COL6A5: variants seen among roughly 807,000 people sequenced by gnomAD.
The protein encoded by COL6A5 is collagen alpha-5(VI) chain.
COL6A5 carries 48 observed loss-of-function variants against 65.6 expected under a neutral mutation model. That is an observed-to-expected ratio of 0.73 (90% confidence interval 0.58 to 0.93). COL6A5 has a LOEUF of 0.93. COL6A5 is among the 40% of genes least tolerant of loss of function. The pLI, the probability that COL6A5 is intolerant of heterozygous loss-of-function variation, is 0.00. For missense variants in COL6A5, 914 were observed against 928.3 expected, an observed-to-expected ratio of 0.98 and a Z score of 0.20; for synonymous variants, 291 against 322.8, an observed-to-expected ratio of 0.90 and a Z score of 1.05.
At chr3:130,470,743 TTTG>T (rs1215044522) in intron 6 of COL6A5, 125 bp from the exon 39 acceptor site, 5 of 646,310 alleles carry the variant, frequency 7.7e-6, no homozygotes. Context: ...GTGTGCCTAT[TTTG>T]TGAAGTCCGT....
In COL6A5 at chr3:130,379,861, T is replaced by G. The variant is rs192774143; in HGVS notation, c.1111T>G (p.Leu371Val). 2.6e-6 allele frequency: 4 copies of G among 1,551,348 alleles called. No individual in the cohort carries two copies. In the East Asian group the frequency reaches 9.8e-5, roughly 38 times the overall value. Residue 371 changes from leucine (L) to valine (V), a missense_variant and NMD_transcript_variant, in exon 4 of 42, where the codon TTG becomes GTG. Transcript: ENST00000312481. ...ACTGGAGGATGTAAACGTGTTTGCC[T>G]TGAGCATCCAAGGGGCTAACAATAC...
chr3:130,388,158 T>C (rs1263187910), intron 5 of COL6A5, among the ~76,000 whole-genome samples: 3 of 152,098 alleles, frequency 2.0e-5, no homozygotes, highest in African/African-American at 7.2e-5. Context: ...TATTTGAAAT[T>C]GTGTTTCTCC....
chr3:130,349,120 T>C (rs1314166954), intron 1 of COL6A5, among the ~76,000 whole-genome samples: 1 of 152,240 alleles, frequency 6.6e-6, no homozygotes, highest in Non-Finnish European at 1.5e-5. Flanking sequence ...GACTCAAGAC[T>C]TGGTCTCTGA....
At chr3:130,398,839 A>G (rs972879459) in intron 10 of COL6A5, among the ~76,000 whole-genome samples, 6 of 152,198 alleles carry the variant, frequency 3.9e-5, no homozygotes, top group Non-Finnish European at 8.8e-5. Context: ...CTAAGAATTT[A>G]CTGAGATGTA....
At position 130,422,687 on chromosome 3, in the gene COL6A5, T is replaced by C. The variant is rs532557162; in HGVS notation, c.5038-33T>C. 1.1e-5 allele frequency: 15 copies of C among 1,389,136 alleles called. No individual in the cohort carries two copies. In the African/African-American group the frequency reaches 1.4e-4, roughly 13 times the overall value. The allele number at this position is 1,389,136 out of a possible 1,614,324, so 86.1% of individuals were successfully genotyped here. A position where few individuals can be genotyped will look rare whatever the true frequency, so the allele number is the denominator to read the frequency against. On this transcript the variant is annotated intron_variant and NMD_transcript_variant, in intron 27 of 41. Transcript: ENST00000312481. ...TTTAATTCTTTCATAGCAAATACTT[T>C]AACATCTTGACTTTTTATATCTGAA...
At chr3:130,481,965 A>C (rs1364660610) in intron 7 of COL6A5, among the ~76,000 whole-genome samples, 23 of 152,228 alleles carry the variant, frequency 1.5e-4, no homozygotes, top group Non-Finnish European at 1.5e-5. Flanking sequence ...AGATGGATAG[A>C]TTGCAAAAAT....
chr3:130,373,581 T>C (rs1935642079), intron 1 of COL6A5, 30 bp from the exon 2 acceptor site: 2 of 1,051,392 alleles, frequency 1.9e-6, no homozygotes, highest in Non-Finnish European at 2.8e-6. Flanking sequence ...AAATAAAATT[T>C]TTCATAATGT....
intron 8 of COL6A5, among the ~76,000 whole-genome samples, chr3:130,396,894 G>T (rs189934664): frequency 2.2e-4 from 33 of 152,126 alleles, no homozygotes; most frequent in Admixed American, 2.0e-3. Context: ...ATGGAGTCTC[G>T]CTCTGTCGCC....
chr3:130,428,632 T>G (rs1189902154), upstream of COL6A5, among the ~76,000 whole-genome samples: 2 of 152,192 alleles, frequency 1.3e-5, no homozygotes, highest in Non-Finnish European at 2.9e-5. Context: ...CGACCTGTGC[T>G]TGTAGCCTTG....
intron 5 of COL6A5, 115 bp downstream of exon 5, chr3:130,385,479 A>G (rs754967968): frequency 2.6e-5 from 29 of 1,098,366 alleles, no homozygotes; most frequent in Non-Finnish European, 3.7e-5. Context: ...ACATTTTGCT[A>G]GCTTCCTTTA....
chr3:130,354,607 G>A lies in COL6A5; in HGVS notation c.-29+8626G>A, dbSNP rs77338654. Among the ~76,000 whole-genome samples the A allele has an allele frequency of 9.8e-3, 1,494 of 152,290 alleles. 16 individuals carry two copies. The highest frequency in any genetic ancestry group is 0.08 in the South Asian group (388 of 4,826). ...AATTCATACGCACGTTAAAGCTTGA[G>A]AAACACTTTCTTAATTAACCACTTC... On this transcript the variant is annotated intron_variant and NMD_transcript_variant, in intron 1 of 41. Transcript: ENST00000312481.
At chr3:130,468,601 A>G (rs1004374263) in intron 5 of COL6A5, among the ~76,000 whole-genome samples, 194 bp from the exon 38 acceptor site, 1 of 152,060 alleles carries the variant, frequency 6.6e-6, no homozygotes, top group Non-Finnish European at 1.5e-5. Context: ...TCAAATGGTA[A>G]TGGCTCTGCA....
intron 18 of COL6A5, 22 bp downstream of exon 18, chr3:130,409,410 G>T (rs1212381598): frequency 6.5e-7 from 1 of 1,540,274 alleles, no homozygotes; most frequent in East Asian, 2.5e-5. Context: ...GGGCCCAGTT[G>T]GCTCTGAATT....
exon 8 of COL6A5, chr3:130,395,009 C>T: frequency 1.3e-6 from 2 of 1,551,288 alleles, no homozygotes; most frequent in Non-Finnish European, 1.7e-6. Flanking sequence ...TTTTGACATT[C>T]AGTCTCAAAG....
At chr3:130,415,593 A>G in intron 22 of COL6A5, 52 bp from the exon 23 acceptor site, 1 of 1,485,054 alleles carries the variant, frequency 6.7e-7, no homozygotes, top group Non-Finnish European at 9.2e-7. Flanking sequence ...AACACTGAGA[A>G]GTAAGCTTTC....
At chr3:130,380,127 C>A in intron 4 of COL6A5, 77 bp downstream of exon 4, 2 of 1,080,842 alleles carry the variant, frequency 1.9e-6, no homozygotes, top group Non-Finnish European at 2.6e-6. Context: ...GAGTGAGGAT[C>A]AACTGTAATT....
chr3:130,438,688 AAG>A (rs1333791497), intron 1 of COL6A5, among the ~76,000 whole-genome samples: 1 of 152,198 alleles, frequency 6.6e-6, no homozygotes, highest in Admixed American at 6.5e-5. Flanking sequence ...CTCAGAGAGA[AAG>A]AGAAAAAGCA....
intron 24 of COL6A5, 22 bp from the exon 25 acceptor site, chr3:130,418,847 C>G: frequency 6.5e-7 from 1 of 1,544,656 alleles, no homozygotes. Flanking sequence ...TGATCTGAAG[C>G]TCTTCTTGTC....
intron 4 of COL6A5, among the ~76,000 whole-genome samples, chr3:130,450,260 AG>A (rs941574002): frequency 6.6e-6 from 1 of 152,098 alleles, no homozygotes; most frequent in African/African-American, 2.4e-5. Flanking sequence ...GTGTTGTGGC[AG>A]GGGGTTTCCA....
Sources: gnomAD v4.1 joint callset for allele counts (sites outside exome capture counted in the v4.1 genomes callset) on GRCh38, gnomAD v4.1.1 for gene constraint, MANE v1.5 for transcripts, NCBI Gene and HGNC (gene_info 2026-07-23, HGNC 2026-07-21) for gene names.